ANKRD31: variants seen among roughly 807,000 people sequenced by gnomAD.
ANKRD31 encodes ankyrin repeat domain-containing protein 31.
Under a neutral mutation model 186.0 loss-of-function variants are expected in ANKRD31, and 147 were observed. The ratio of observed to expected loss-of-function variants is 0.79; its 90% CI spans 0.69 to 0.91. ANKRD31 has a LOEUF of 0.91. Among genes scored for constraint, ANKRD31 ranks in the 40% least tolerant of loss-of-function variants. The pLI, the probability that ANKRD31 is intolerant of heterozygous loss-of-function variation, is 0.00. For missense variants in ANKRD31, 1,986 were observed against 2,148.8 expected (o/e 0.92, Z 1.50); for synonymous variants, 673 against 736.4 (o/e 0.91, Z 1.39).
At chr5:75,192,573 CA>C (rs1345721152) in intron 9 of ANKRD31, 93 bp downstream of exon 9, 28 of 1,045,610 alleles carry the variant, frequency 2.7e-5, no homozygotes, top group Non-Finnish European at 3.5e-5. Flanking sequence ...TCCTCATCAG[CA>C]AAATTAGAAA....
Position 75,094,165 on chromosome 5 carries a change from G to A in ANKRD31, c.5332-2764C>T, listed in dbSNP as rs75943136. On this transcript the variant is annotated intron_variant, in intron 22 of 25. Transcript: ENST00000506364. ...GTAGGTGGGAGCAAAGCTTTATTGG[G>A]CTAAGGAAATGACTCCACATGGTAA... Among the ~76,000 whole-genome samples, 376 of 152,196 alleles carry A rather than the reference G, an allele frequency of 2.5e-3. 15 individuals are homozygous for A. In the East Asian group the frequency reaches 0.052, roughly 21 times the overall value.
intron 10 of ANKRD31, among the ~76,000 whole-genome samples, chr5:75,184,263 AAACTT>A (rs1166708717): frequency 1.3e-5 from 2 of 152,166 alleles, no homozygotes; most frequent in Non-Finnish European, 2.9e-5. Flanking sequence ...AGTGGACTAA[AAACTT>A]AAATGTAAAT....
chr5:75,210,841 G>T lies in ANKRD31; in HGVS notation c.313C>A (p.Gln105Lys). The change falls in exon 4 of 26, where the codon CAA becomes AAA. Residue 105 changes from glutamine (Q) to lysine (K), a missense_variant. Coordinates refer to ENST00000506364, the MANE Select transcript of ANKRD31 (RefSeq NM_001372053.1). ...LQSQDETERNQALLQTRKNCS... is the reference protein window; with the variant it reads ...LQSQDETERNKALLQTRKNCS... ...TAGTATACTTACTGTAACAGAGCTT[G>T]ATTTCGTTCTGTTTCATCTTGAGAC... 2.0e-6 allele frequency: 3 copies of T among 1,511,240 alleles called. No homozygotes were observed. Among genetic ancestry groups the T allele is most frequent in the Non-Finnish European group, 2.6e-6 (3 of 1,138,180 alleles). The allele number at this position is 1,511,240 out of a possible 1,614,324, so 93.6% of individuals were successfully genotyped here.
chr5:75,158,480 C>T (rs779608330), intron 11 of ANKRD31, among the ~76,000 whole-genome samples: 18 of 152,128 alleles, frequency 1.2e-4, no homozygotes, highest in Non-Finnish European at 2.1e-4. Context: ...AATACATTAT[C>T]TTAAATGTCC....
At chr5:75,185,377 G>C (rs957387098) in intron 10 of ANKRD31, among the ~76,000 whole-genome samples, 2 of 152,132 alleles carry the variant, frequency 1.3e-5, no homozygotes, top group Admixed American at 1.3e-4. Context: ...GGCCAACATG[G>C]TGAAACCCTG....
Position 75,193,299 on chromosome 5 carries a change from T to G in ANKRD31, c.1298+12A>C. On this transcript the variant is annotated intron_variant, in intron 8 of 25. Transcript: ENST00000506364. ...GCATACCTGGAGATAAAGACATAATTTCATTGCATACCTGAAATTCTGAGC... is the reference window on the plus strand; with the variant it reads ...GCATACCTGGAGATAAAGACATAATGTCATTGCATACCTGAAATTCTGAGC... 6.5e-7 allele frequency: 1 copy of G among 1,534,136 alleles called. No individual in the cohort carries two copies.
chr5:75,236,869 G>T lies in ANKRD31; in HGVS notation c.-183C>A, dbSNP rs1280381448. On this transcript the variant is annotated 5_prime_UTR_variant, in exon 1 of 26. Transcript: ENST00000506364. ...CGCAGGCGGCCGCGAGCGCGGCGGG[G>T]TAGCAGTCTGCGAGGCGGCCCGCGG... is the stretch of plus-strand genomic sequence containing the variant. 3 of 457,108 alleles carry T rather than the reference G, an allele frequency of 6.6e-6. No individual in the cohort carries two copies. The highest frequency in any genetic ancestry group is 6.6e-5 in the South Asian group (2 of 30,204). The allele number at this position is 457,108 out of a possible 1,614,324, so 28.3% of individuals were successfully genotyped here.
At chr5:75,184,672 C>T (rs1175698037) in intron 10 of ANKRD31, among the ~76,000 whole-genome samples, 1 of 152,078 alleles carries the variant, frequency 6.6e-6, no homozygotes, top group Non-Finnish European at 1.5e-5. Context: ...TAATGTATCA[C>T]CTCATTCCAC....
At chr5:75,092,157 T>A (rs569284693) in intron 22 of ANKRD31, among the ~76,000 whole-genome samples, 1 of 152,246 alleles carries the variant, frequency 6.6e-6, no homozygotes, top group South Asian at 2.1e-4. Context: ...CTAACTTCAT[T>A]TGCAACAGAG....
intron 11 of ANKRD31, among the ~76,000 whole-genome samples, chr5:75,166,997 G>C (rs187007785): frequency 6.6e-6 from 1 of 152,022 alleles, no homozygotes; most frequent in Admixed American, 6.6e-5. Context: ...ATATTAAAAG[G>C]GTTGTATAAC....
At chr5:75,131,747 G>A (rs1239482149) in intron 17 of ANKRD31, among the ~76,000 whole-genome samples, 1 of 152,164 alleles carries the variant, frequency 6.6e-6, no homozygotes, top group Non-Finnish European at 1.5e-5. Context: ...AGCATAACTA[G>A]GAGGCACCTC....
At chr5:75,139,552 CT>C (rs1750853347) in intron 15 of ANKRD31, among the ~76,000 whole-genome samples, 1 of 152,044 alleles carries the variant, frequency 6.6e-6, no homozygotes, top group Non-Finnish European at 1.5e-5. Flanking sequence ...CCCCTATTTC[CT>C]GCCAAAACCA....
chr5:75,073,115 C>T (rs1204319522), intron 25 of ANKRD31, among the ~76,000 whole-genome samples: 1 of 152,152 alleles, frequency 6.6e-6, no homozygotes, highest in East Asian at 1.9e-4. Flanking sequence ...CATTTCTCTC[C>T]AAAAGGGAAG....
At chr5:75,116,863 A>C (rs1358444650) in intron 18 of ANKRD31, among the ~76,000 whole-genome samples, 182 bp from the exon 19 acceptor site, 3 of 152,198 alleles carry the variant, frequency 2.0e-5, no homozygotes, top group Non-Finnish European at 2.9e-5. Context: ...AGCACTTGTC[A>C]TATGCTGGGT....
intron 11 of ANKRD31, among the ~76,000 whole-genome samples, chr5:75,165,637 C>CT (rs1752870265): frequency 6.6e-6 from 1 of 152,072 alleles, no homozygotes; most frequent in Non-Finnish European, 1.5e-5. Context: ...ACTGTGGTCT[C>CT]TAAGTAGATT....
intron 9 of ANKRD31, 52 bp from the exon 10 acceptor site, chr5:75,188,700 G>T (rs1016986196): frequency 1.4e-6 from 2 of 1,426,204 alleles, no homozygotes; most frequent in Non-Finnish European, 1.9e-6. Flanking sequence ...AATATCAGAA[G>T]GAATACGGAT....
chr5:75,223,707 C>T (rs545795300), intron 2 of ANKRD31, among the ~76,000 whole-genome samples: 27 of 152,236 alleles, frequency 1.8e-4, no homozygotes, highest in Non-Finnish European at 2.9e-4. Context: ...TGCACACCCG[C>T]CCCAGCCAAA....
chr5:75,213,691 G>C (rs763422919), intron 3 of ANKRD31, among the ~76,000 whole-genome samples: 1 of 152,316 alleles, frequency 6.6e-6, no homozygotes, highest in Middle Eastern at 3.4e-3. Context: ...AAACCGTAGA[G>C]TTTTCTTGTT....
At chr5:75,128,844 T>C (rs962467140) in intron 17 of ANKRD31, among the ~76,000 whole-genome samples, 2 of 152,064 alleles carry the variant, frequency 1.3e-5, no homozygotes, top group African/African-American at 4.8e-5. Flanking sequence ...GTCTTTTCCC[T>C]CTATAAAAAA....
Sources: gnomAD v4.1 joint callset for allele counts (sites outside exome capture counted in the v4.1 genomes callset) on GRCh38, gnomAD v4.1.1 for gene constraint, MANE v1.5 for transcripts, NCBI Gene and HGNC (gene_info 2026-07-23, HGNC 2026-07-21) for gene names.